DCLK1: variants seen among roughly 807,000 people sequenced by gnomAD.
The protein encoded by DCLK1 is serine/threonine-protein kinase DCLK1.
Under a neutral mutation model 86.2 loss-of-function variants are expected in DCLK1, and 16 were observed. The observed-to-expected ratio is 0.19, with a 90% confidence interval of 0.13 to 0.28. DCLK1 has a LOEUF of 0.28. DCLK1 is among the 10% of genes least tolerant of loss of function. DCLK1 has a pLI of 1.00. For missense variants in DCLK1, 590 were observed against 940.2 expected (o/e 0.63, Z 4.87); for synonymous variants, 369 against 370.5 (o/e 1.00, Z 0.05).
chr13:35,865,637 C>T (rs1022223445), intron 5 of DCLK1, among the ~76,000 whole-genome samples: 11 of 152,192 alleles, frequency 7.2e-5, no homozygotes, highest in African/African-American at 1.2e-4. Flanking sequence ...TTTCTTTCAT[C>T]TCTGCATCAT....
intron 3 of DCLK1, among the ~76,000 whole-genome samples, chr13:36,091,138 C>T (rs752833732): frequency 2.6e-5 from 4 of 152,106 alleles, no homozygotes; most frequent in Admixed American, 1.3e-4. Context: ...CTGTTGGTTG[C>T]GGGTTCACTC....
intron 10 of DCLK1, among the ~76,000 whole-genome samples, chr13:35,824,600 C>T (rs1161664055): frequency 6.6e-6 from 1 of 152,128 alleles, no homozygotes; most frequent in Non-Finnish European, 1.5e-5. Context: ...TTGCCTCATC[C>T]CTGGGTTGTT....
At chr13:36,061,758 C>T (rs1336550070) in intron 3 of DCLK1, among the ~76,000 whole-genome samples, 1 of 152,114 alleles carries the variant, frequency 6.6e-6, no homozygotes, top group Non-Finnish European at 1.5e-5. Flanking sequence ...TGACAGAGAG[C>T]CCAACAAATC....
intron 16 of DCLK1, chr13:35,788,394 G>T: frequency 1.0e-6 from 1 of 972,708 alleles, no homozygotes; most frequent in Non-Finnish European, 1.6e-6. Context: ...TAGTTACGAT[G>T]CCTCTTCTGC....
At chr13:36,091,121 T>C (rs1344132371) in intron 3 of DCLK1, among the ~76,000 whole-genome samples, 1 of 152,174 alleles carries the variant, frequency 6.6e-6, no homozygotes, top group Non-Finnish European at 1.5e-5. Flanking sequence ...AAAAATTTTC[T>C]CCCATTCTGT....
At chr13:35,786,364 T>C (rs2086621065) in intron 16 of DCLK1, among the ~76,000 whole-genome samples, 2 of 152,364 alleles carry the variant, frequency 1.3e-5, no homozygotes, top group East Asian at 1.9e-4. Context: ...TTTACACATA[T>C]ATATCTGGTT....
intron 3 of DCLK1, among the ~76,000 whole-genome samples, chr13:36,091,201 T>C (rs975821474): frequency 6.6e-6 from 1 of 152,160 alleles, no homozygotes; most frequent in Non-Finnish European, 1.5e-5. Flanking sequence ...TTAGATCCCA[T>C]TTGTCAATTC....
intron 11 of DCLK1, among the ~76,000 whole-genome samples, chr13:35,818,967 C>T (rs1382969118): frequency 6.6e-6 from 1 of 151,942 alleles, no homozygotes; most frequent in South Asian, 2.1e-4. Context: ...TACACTGAGG[C>T]CAGTGTGAGA....
chr13:36,121,616 A>G (rs1885995313), intron 2 of DCLK1, among the ~76,000 whole-genome samples: 1 of 152,236 alleles, frequency 6.6e-6, no homozygotes, highest in African/African-American at 2.4e-5. Context: ...AAACTTTATC[A>G]TATACCTTGC....
intron 3 of DCLK1, among the ~76,000 whole-genome samples, chr13:35,971,871 T>C (rs1450829951): frequency 6.6e-6 from 1 of 152,166 alleles, no homozygotes. Context: ...ACCTCGGTTG[T>C]TTTTATTGTT....
At chr13:35,902,417 T>C (rs1190028770) in intron 4 of DCLK1, among the ~76,000 whole-genome samples, 2 of 152,162 alleles carry the variant, frequency 1.3e-5, no homozygotes, top group East Asian at 3.9e-4. Flanking sequence ...GAGACCCACC[T>C]CAAATCAACT....
intron 5 of DCLK1, among the ~76,000 whole-genome samples, chr13:35,864,284 G>A (rs537834502): frequency 1.3e-5 from 1 of 75,104 alleles, no homozygotes; most frequent in African/African-American, 6.7e-5. Context: ...TTGGCTATCT[G>A]GCCGGGCGCG....
chr13:35,820,951 G>A (rs769685928), intron 11 of DCLK1, among the ~76,000 whole-genome samples: 16 of 152,134 alleles, frequency 1.1e-4, no homozygotes, highest in Non-Finnish European at 1.8e-4. Flanking sequence ...CTGCTTCAGC[G>A]TCAACTTCAT....
At chr13:35,804,923 G>A (rs2086995296) in intron 15 of DCLK1, among the ~76,000 whole-genome samples, 1 of 152,178 alleles carries the variant, frequency 6.6e-6, no homozygotes, top group Admixed American at 6.5e-5. Context: ...CCAATCTACT[G>A]TGTTAGAATC....
At chr13:35,775,555 G>A (rs998020324) in intron 16 of DCLK1, among the ~76,000 whole-genome samples, 6 of 152,022 alleles carry the variant, frequency 3.9e-5, no homozygotes, top group Non-Finnish European at 7.4e-5. Flanking sequence ...ATGGGTGTGG[G>A]GGAAAAATGG....
intron 3 of DCLK1, among the ~76,000 whole-genome samples, chr13:35,959,033 G>C (rs1055977389): frequency 1.3e-5 from 2 of 152,100 alleles, no homozygotes; most frequent in Non-Finnish European, 2.9e-5. Flanking sequence ...ATGAAAGCTT[G>C]GTTTCAAGAC....
At chr13:35,876,594 T>C (rs1872604149) in intron 4 of DCLK1, among the ~76,000 whole-genome samples, 1 of 152,198 alleles carries the variant, frequency 6.6e-6, no homozygotes, top group African/African-American at 2.4e-5. Flanking sequence ...AATGCCAAAA[T>C]CTACATCAGC....
chr13:35,965,821 A>G (rs1421862118), intron 3 of DCLK1, among the ~76,000 whole-genome samples: 1 of 152,006 alleles, frequency 6.6e-6, no homozygotes, highest in Admixed American at 6.6e-5. Context: ...GCTGTGCCCA[A>G]TCTTAGAAAT....
At chr13:36,071,836 A>C (rs1883985184) in intron 3 of DCLK1, among the ~76,000 whole-genome samples, 1 of 152,202 alleles carries the variant, frequency 6.6e-6, no homozygotes, top group Admixed American at 6.5e-5. Flanking sequence ...TTGTAGGGAA[A>C]AATCTTACAT....
Sources: allele counts gnomAD v4.1 joint callset (sites outside exome capture counted in the v4.1 genomes callset), GRCh38; gene constraint gnomAD v4.1.1; transcripts MANE v1.5; gene names NCBI Gene and HGNC (gene_info 2026-07-23, HGNC 2026-07-21).